The following TRPA1 variants were observed in gnomAD, a reference collection of about 807,000 sequenced individuals.
The protein encoded by TRPA1 is transient receptor potential cation channel subfamily A member 1, also known as ankyrin-like with transmembrane domains 1.
A neutral mutation model predicts 131.3 loss-of-function variants in TRPA1; 129 were observed. That is an observed-to-expected ratio of 0.98 (90% confidence interval 0.85 to 1.14). The LOEUF is 1.14. Ranked by LOEUF, TRPA1 falls within the 50% of genes most tolerant of loss-of-function variation. TRPA1 has a pLI of 0.00. For synonymous variants in TRPA1, 441 were observed against 451.7 expected (o/e 0.98, Z 0.30); for missense variants, 1,304 against 1,354.2 (o/e 0.96, Z 0.58).
chr8:72,066,261 A>G (rs570056755), intron 3 of TRPA1, among the ~76,000 whole-genome samples: 1 of 152,332 alleles, frequency 6.6e-6, no homozygotes, highest in Admixed American at 6.5e-5. Flanking sequence ...CCATCTGATT[A>G]CTGCCCAAGC....
intron 25 of TRPA1, among the ~76,000 whole-genome samples, chr8:72,024,614 T>C (rs1423593206): frequency 1.3e-5 from 2 of 152,182 alleles, no homozygotes; most frequent in Non-Finnish European, 2.9e-5. Context: ...TTTTTCATTT[T>C]TTCCTGTAGG....
chr8:72,083,369 T>TA, the TRPA1 span, among the ~76,000 whole-genome samples: 612 of 152,280 alleles, frequency 4.0e-3, 5 homozygotes, highest in African/African-American at 0.014. Context: ...TTGCTTGTCT[T>TA]ATAACATTTT....
chr8:72,088,173 T>C, the TRPA1 span, among the ~76,000 whole-genome samples: 2 of 152,216 alleles, frequency 1.3e-5, no homozygotes, highest in African/African-American at 2.4e-5. Context: ...TGACTTTGTG[T>C]TCAGATCTCC....
intron 25 of TRPA1, 30 bp downstream of exon 25, chr8:72,025,930 C>T (rs1289518291): frequency 6.4e-7 from 1 of 1,561,466 alleles, no homozygotes; most frequent in African/African-American, 1.4e-5. Flanking sequence ...TGTCATGTTA[C>T]TGATGTTGTT....
the TRPA1 span, among the ~76,000 whole-genome samples, chr8:72,088,971 C>T: frequency 1.3e-5 from 2 of 152,076 alleles, no homozygotes; most frequent in Non-Finnish European, 2.9e-5. Context: ...ATTAAAAAAG[C>T]TAATTAAGTT....
chr8:72,069,807 A>C (rs985702616), intron 2 of TRPA1, among the ~76,000 whole-genome samples: 6 of 151,838 alleles, frequency 4.0e-5, no homozygotes, highest in African/African-American at 1.2e-4. Flanking sequence ...AGAGAGAGAG[A>C]AGAGAACGAG....
upstream of TRPA1, chr8:72,075,619 C>A (rs887807663): frequency 1.2e-5 from 7 of 579,614 alleles, no homozygotes; most frequent in Non-Finnish European, 2.2e-5. Flanking sequence ...TTTTGTAGTG[C>A]AGGAAGCAGG....
intron 17 of TRPA1, 57 bp downstream of exon 17, chr8:72,046,456 T>C (rs988508374): frequency 1.4e-6 from 1 of 721,782 alleles, no homozygotes; most frequent in South Asian, 2.2e-5. Context: ...TAAAGTATAA[T>C]AAAAAAAAAA....
chr8:72,047,301 C>A, intron 15 of TRPA1, 94 bp from the exon 16 acceptor site: 1 of 893,764 alleles, frequency 1.1e-6, no homozygotes, highest in Non-Finnish European at 1.8e-6. Context: ...ACAAGACATT[C>A]CCTTTCCTTT....
At chr8:72,037,417 G>A (rs1812093769) in intron 20 of TRPA1, among the ~76,000 whole-genome samples, 1 of 152,048 alleles carries the variant, frequency 6.6e-6, no homozygotes, top group African/African-American at 2.4e-5. Context: ...CCAAAGGTAG[G>A]ACCTGCAGAT....
intron 3 of TRPA1, among the ~76,000 whole-genome samples, chr8:72,067,413 A>C (rs1254158007): frequency 6.6e-6 from 1 of 151,896 alleles, no homozygotes; most frequent in Non-Finnish European, 1.5e-5. Flanking sequence ...TTAGAACTCT[A>C]TTTTTCTGCT....
At chr8:72,079,684 C>T (rs1806253620), upstream of TRPA1, among the ~76,000 whole-genome samples, 1 of 151,872 alleles carries the variant, frequency 6.6e-6, no homozygotes, top group Admixed American at 6.6e-5. Flanking sequence ...GGAAGGATGC[C>T]TTGATGGCTG....
intron 5 of TRPA1, 67 bp downstream of exon 5, chr8:72,063,395 AT>A: frequency 8.9e-7 from 1 of 1,122,882 alleles, no homozygotes; most frequent in Non-Finnish European, 1.3e-6. Context: ...AAAAAAAAAA[AT>A]CAAATTAATA....
chr8:72,050,294 C>G (rs1277837073), intron 15 of TRPA1, among the ~76,000 whole-genome samples: 1 of 152,134 alleles, frequency 6.6e-6, no homozygotes, highest in Admixed American at 6.6e-5. Context: ...TGGGAAGCAG[C>G]TGGTGCTGAG....
upstream of TRPA1, among the ~76,000 whole-genome samples, chr8:72,077,096 C>T (rs547069835): frequency 1.3e-5 from 2 of 152,244 alleles, no homozygotes; most frequent in South Asian, 4.1e-4. Context: ...AATATTAAGA[C>T]TTTTTATTTT....
At chr8:72,065,678 C>A in intron 3 of TRPA1, 120 bp from the exon 4 acceptor site, 1 of 740,748 alleles carries the variant, frequency 1.3e-6, no homozygotes, top group Non-Finnish European at 2.4e-6. Context: ...TTTTATTCAT[C>A]CTTCTCTCAC....
the TRPA1 span, among the ~76,000 whole-genome samples, chr8:72,083,457 G>A: frequency 1.3e-5 from 2 of 152,088 alleles, no homozygotes; most frequent in South Asian, 2.1e-4. Flanking sequence ...TTTTCTGGCC[G>A]GGCACAGTGG....
chr8:72,063,205 C>A (rs1431469020), intron 5 of TRPA1, among the ~76,000 whole-genome samples: 1 of 151,962 alleles, frequency 6.6e-6, no homozygotes, highest in Non-Finnish European at 1.5e-5. Flanking sequence ...CACGGTGAAA[C>A]CCCATCCCTA....
In TRPA1 at chr8:72,055,989, C is replaced by T. The variant is rs1805658889; in HGVS notation, c.1195-134G>A. 9 of 723,848 alleles carry T rather than the reference C, an allele frequency of 1.2e-5. No individual in the cohort carries two copies. The South Asian group carries it at 1.5e-4, about 12-fold the overall frequency. 44.8% of individuals were successfully genotyped at this position (723,848 alleles called of 1,614,324 possible). A position where few individuals can be genotyped will look rare whatever the true frequency, so the allele number is the denominator to read the frequency against. On this transcript the variant is annotated intron_variant, in intron 10 of 26. Coordinates refer to ENST00000262209, the MANE Select transcript of TRPA1 (RefSeq NM_007332.3). ...CCTTGGGGCCAAAATTGTAAATAAC[C>T]TAAAGGATTTGAGAGTAATATAAAT... is the stretch of plus-strand genomic sequence containing the variant.
Sources: gnomAD v4.1 joint callset for allele counts (sites outside exome capture counted in the v4.1 genomes callset) on GRCh38, gnomAD v4.1.1 for gene constraint, MANE v1.5 for transcripts, NCBI Gene and HGNC (gene_info 2026-07-23, HGNC 2026-07-21) for gene names.